Variants in SPATA16 observed in about 807,000 individuals in gnomAD.
The protein encoded by SPATA16 is spermatogenesis-associated protein 16.
Under a neutral mutation model 63.3 loss-of-function variants are expected in SPATA16, and 36 were observed. The ratio of observed to expected loss-of-function variants is 0.57; its 90% confidence interval spans 0.44 to 0.75. SPATA16 has a LOEUF of 0.75. Among genes scored for constraint, SPATA16 ranks in the 30% least tolerant of loss-of-function variants. SPATA16 has a pLI of 0.00. For missense variants in SPATA16, 646 were observed against 679.3 expected (o/e 0.95, Z 0.54); for synonymous variants, 203 against 216.7 (o/e 0.94, Z 0.56).
At position 172,956,837 on chromosome 3, in the gene SPATA16, A is replaced by G. The variant is rs562174338; in HGVS notation, c.934-13T>C. ...CCTCAATCATGGCCTAAGAGGAAACAAACAACCCATTTGGCATCAATAACA... is the reference window on the plus strand; with the variant it reads ...CCTCAATCATGGCCTAAGAGGAAACGAACAACCCATTTGGCATCAATAACA... On this transcript the variant is annotated splice_polypyrimidine_tract_variant and intron_variant, in intron 5 of 10. Transcript: ENST00000351008. The G allele has an allele frequency of 1.0e-4, 165 of 1,613,252 alleles. No individual in the cohort carries two copies. In the East Asian group the frequency reaches 3.0e-3, roughly 29 times the overall value.
At chr3:172,905,011 G>C (rs1377526940) in intron 10 of SPATA16, among the ~76,000 whole-genome samples, 1 of 151,956 alleles carries the variant, frequency 6.6e-6, no homozygotes, top group East Asian at 1.9e-4. Context: ...CTTGGGTCTT[G>C]TCTCCCTCCC....
chr3:173,068,151 G>A (rs537033066), intron 2 of SPATA16, among the ~76,000 whole-genome samples: 55 of 152,164 alleles, frequency 3.6e-4, no homozygotes, highest in Non-Finnish European at 6.9e-4. Flanking sequence ...TCATCTGAAG[G>A]TATAAAACTC....
chr3:173,093,789 T>C (rs1215788025), intron 2 of SPATA16, among the ~76,000 whole-genome samples: 1 of 152,156 alleles, frequency 6.6e-6, no homozygotes, highest in Non-Finnish European at 1.5e-5. Flanking sequence ...AATTCCCCTG[T>C]AACAAAATTC....
At position 173,024,979 on chromosome 3, in the gene SPATA16, C is replaced by A. The variant is rs537052261; in HGVS notation, c.759-5404G>T. The stretch of plus-strand genomic sequence containing the variant: ...TTATTCTCATTATAGTTTTTTCTCC[C>A]AGTCTCTAATTATAGATTTTAATTC... On this transcript the variant is annotated intron_variant, in intron 3 of 10. Coordinates refer to ENST00000351008, the MANE Select transcript of SPATA16 (RefSeq NM_031955.6). 9.3e-5 allele frequency among the ~76,000 whole-genome samples: 14 copies of A among 150,772 alleles called. No homozygotes were observed. In the East Asian group the frequency reaches 2.6e-3, roughly 28 times the overall value.
intron 3 of SPATA16, among the ~76,000 whole-genome samples, chr3:173,032,364 ATGT>A (rs774679302): frequency 3.7e-4 from 57 of 152,168 alleles, no homozygotes; most frequent in Non-Finnish European, 6.6e-4. Context: ...TCAGAAAGAA[ATGT>A]TATATGGTCT....
chr3:173,123,601 A>AT (rs541550629), intron 1 of SPATA16, among the ~76,000 whole-genome samples: 3,374 of 136,520 alleles, frequency 0.025, 109 homozygotes, highest in African/African-American at 0.068. Flanking sequence ...AAGGTATTAG[A>AT]TTTTTTTTTT....
chr3:173,119,289 G>A (rs1044390763), intron 1 of SPATA16, among the ~76,000 whole-genome samples: 5 of 152,114 alleles, frequency 3.3e-5, no homozygotes, highest in East Asian at 1.9e-4. Flanking sequence ...AAACCTGCAC[G>A]TTCTGCACAT....
intron 6 of SPATA16, among the ~76,000 whole-genome samples, chr3:172,955,749 G>T (rs764080492): frequency 6.6e-6 from 1 of 152,144 alleles, no homozygotes; most frequent in African/African-American, 2.4e-5. Context: ...CAAATCCAAG[G>T]CCTGTCTAAT....
chr3:173,055,732 A>G (rs750686341), intron 2 of SPATA16, among the ~76,000 whole-genome samples: 5 of 152,194 alleles, frequency 3.3e-5, no homozygotes, highest in Non-Finnish European at 5.9e-5. Flanking sequence ...TAATACACAC[A>G]CACATACAAG....
chr3:172,994,632 C>T (rs556544269), intron 4 of SPATA16, among the ~76,000 whole-genome samples: 2 of 152,008 alleles, frequency 1.3e-5, no homozygotes, highest in South Asian at 2.1e-4. Context: ...TTTTTTCTGG[C>T]CAGGAATTAT....
intron 1 of SPATA16, among the ~76,000 whole-genome samples, chr3:173,135,318 G>A (rs1489010568): frequency 1.3e-5 from 2 of 152,190 alleles, no homozygotes; most frequent in African/African-American, 4.8e-5. Flanking sequence ...CCTAGTATTG[G>A]CAAGTATATG....
chr3:172,985,662 A>C (rs1734436097), intron 4 of SPATA16, among the ~76,000 whole-genome samples: 1 of 152,200 alleles, frequency 6.6e-6, no homozygotes, highest in Non-Finnish European at 1.5e-5. Context: ...CTGAGACCTG[A>C]AGAATGGCTA....
chr3:173,075,638 G>A (rs1219800476), intron 2 of SPATA16, among the ~76,000 whole-genome samples: 1 of 152,130 alleles, frequency 6.6e-6, no homozygotes, highest in Admixed American at 6.5e-5. Context: ...GATGGAACGG[G>A]AAGACATTAT....
intron 10 of SPATA16, among the ~76,000 whole-genome samples, chr3:172,904,868 C>T (rs1732199974): frequency 6.6e-6 from 1 of 152,110 alleles, no homozygotes; most frequent in Non-Finnish European, 1.5e-5. Context: ...GTCCGATTGC[C>T]CCAGGGCTTA....
rs79968728 is a variant in SPATA16 at position 172,906,729 on chromosome 3, A to G, written c.1587+6932T>C. On this transcript the variant is annotated intron_variant, in intron 10 of 10. Transcript: ENST00000351008. ...TAGGCAAACTGCTAAACTTCTCTCTAATACATTTTACTTTTTTATTTTTTA... is the reference window on the plus strand; with the variant it reads ...TAGGCAAACTGCTAAACTTCTCTCTGATACATTTTACTTTTTTATTTTTTA... 1.0e-3 allele frequency among the ~76,000 whole-genome samples: 155 copies of G among 151,780 alleles called. 4 individuals carry two copies. The East Asian group carries it at 0.027, about 26-fold the overall frequency.
At chr3:172,954,219 A>C (rs1427163952) in intron 6 of SPATA16, among the ~76,000 whole-genome samples, 1 of 152,178 alleles carries the variant, frequency 6.6e-6, no homozygotes, top group African/African-American at 2.4e-5. Flanking sequence ...CCTCACAATC[A>C]TGGTGGAAGG....
intron 3 of SPATA16, among the ~76,000 whole-genome samples, chr3:173,028,013 C>CTTTCCTTCCTTCCTT: frequency 2.9e-5 from 1 of 35,038 alleles, no homozygotes; most frequent in South Asian, 1.4e-3. Context: ...CTCCCTCCCT[C>CTTTCCTTCCTTCCTT]CCTTCCTTCT....
At chr3:172,911,386 C>T (rs527722168) in intron 10 of SPATA16, among the ~76,000 whole-genome samples, 3 of 152,214 alleles carry the variant, frequency 2.0e-5, no homozygotes, top group Admixed American at 2.0e-4. Flanking sequence ...TAGTAGGGTC[C>T]CTGCTCCAAG....
At chr3:173,070,565 A>G (rs1408662116) in intron 2 of SPATA16, among the ~76,000 whole-genome samples, 1 of 152,174 alleles carries the variant, frequency 6.6e-6, no homozygotes, top group Non-Finnish European at 1.5e-5. Flanking sequence ...ATTTAGAAAA[A>G]TCTAAAGATG....
Sources: allele counts gnomAD v4.1 joint callset (sites outside exome capture counted in the v4.1 genomes callset), GRCh38; gene constraint gnomAD v4.1.1; transcripts MANE v1.5; gene names NCBI Gene and HGNC (gene_info 2026-07-23, HGNC 2026-07-21).